Variants in GRM7 observed in about 807,000 individuals in gnomAD.
GRM7 encodes the protein metabotropic glutamate receptor 7.
Under a neutral mutation model 84.5 loss-of-function variants are expected in GRM7, and 35 were observed. That is an observed-to-expected ratio of 0.41 (90% CI 0.32 to 0.55). The LOEUF is 0.55. Ranked by LOEUF, GRM7 falls within the 20% of genes least tolerant of loss-of-function variation. The probability of loss-of-function intolerance (pLI) is 0.19; values close to 1 mark genes in which losing one functional copy is unlikely to be tolerated. For synonymous variants in GRM7, 487 were observed against 455.1 expected, an observed-to-expected ratio of 1.07 and a Z score of -0.89; for missense variants, 1,003 against 1,194.6, an observed-to-expected ratio of 0.84 and a Z score of 2.36.
intron 1 of GRM7, among the ~76,000 whole-genome samples, chr3:7,095,424 A>G (rs1247404232): frequency 6.6e-6 from 1 of 152,102 alleles, no homozygotes; most frequent in Non-Finnish European, 1.5e-5. Flanking sequence ...TTAAGGAATG[A>G]TTGGGTTTGG....
In GRM7 at chr3:6,861,400, G is replaced by A. The variant is rs774581930; in HGVS notation, c.12G>A (p.Leu4=). ...GCAGCCGGAGCAGCATGGTCCAGCT[G>A]AGGAAGCTGCTCCGCGTCCTGACTT... MVQ[L]RKLLRVLTLM... is the part of the protein sequence containing the mutation. Residue 4 remains leucine, a synonymous_variant, in exon 1 of 10, where the codon CTG becomes CTA. Transcript: ENST00000357716. The surrounding 1 kb of genome is among the most constrained non-coding windows in gnomAD (Gnocchi z 6.4). The A allele has an allele frequency of 3.2e-6, 5 of 1,580,962 alleles. No homozygotes were observed. Among genetic ancestry groups the A allele is most frequent in the Non-Finnish European group, 4.3e-6 (5 of 1,166,952 alleles).
chr3:7,146,147 A>G (rs1307294935), intron 1 of GRM7, among the ~76,000 whole-genome samples: 1 of 152,210 alleles, frequency 6.6e-6, no homozygotes, highest in Non-Finnish European at 1.5e-5. Flanking sequence ...CATGTTTGGT[A>G]GAATGGTCAT....
intron 7 of GRM7, among the ~76,000 whole-genome samples, chr3:7,518,295 T>G (rs1700467454): frequency 6.6e-6 from 1 of 152,158 alleles, no homozygotes; most frequent in Non-Finnish European, 1.5e-5. Flanking sequence ...TTCTGCAAAA[T>G]TAAGCCCAGG....
At chr3:7,366,990 C>A (rs1189806087) in intron 4 of GRM7, among the ~76,000 whole-genome samples, 1 of 151,110 alleles carries the variant, frequency 6.6e-6, no homozygotes, top group African/African-American at 2.4e-5. Context: ...TATACTCTGA[C>A]TATTAATTAC....
chr3:7,691,317 AC>A, intron 9 of GRM7: 1 of 1,221,594 alleles, frequency 8.2e-7, no homozygotes, highest in Non-Finnish European at 1.1e-6. Flanking sequence ...TGGATCAGCA[AC>A]TCCATTTTCT....
chr3:7,506,862 T>A (rs1200113550), intron 7 of GRM7, among the ~76,000 whole-genome samples: 1 of 152,170 alleles, frequency 6.6e-6, no homozygotes, highest in Non-Finnish European at 1.5e-5. Flanking sequence ...AATCCATTAG[T>A]GAGAGATGAG....
chr3:7,070,424 G>C (rs1409036604), intron 1 of GRM7, among the ~76,000 whole-genome samples: 1 of 152,042 alleles, frequency 6.6e-6, no homozygotes, highest in Non-Finnish European at 1.5e-5. Flanking sequence ...AATTACAAAT[G>C]AATGCTAAAA....
At chr3:6,980,786 A>C (rs1361549243) in intron 1 of GRM7, among the ~76,000 whole-genome samples, 1 of 152,226 alleles carries the variant, frequency 6.6e-6, no homozygotes, top group Non-Finnish European at 1.5e-5. Flanking sequence ...GAGAAGGAAG[A>C]AAAGAACTTG....
chr3:7,091,139 CAGAAGAAT>C (rs1386005627), intron 1 of GRM7, among the ~76,000 whole-genome samples: 3 of 148,722 alleles, frequency 2.0e-5, no homozygotes, highest in African/African-American at 7.5e-5. Context: ...TTTAGCTCTG[CAGAAGAAT>C]AGAGGTATTT....
intron 2 of GRM7, among the ~76,000 whole-genome samples, chr3:7,225,254 T>G (rs1696944777): frequency 6.6e-6 from 1 of 151,510 alleles, no homozygotes; most frequent in Admixed American, 6.6e-5. Context: ...TTTTAAAGAC[T>G]GATACCAATT....
chr3:6,924,652 A>C (rs1243583422), intron 1 of GRM7, among the ~76,000 whole-genome samples: 1 of 151,874 alleles, frequency 6.6e-6, no homozygotes, highest in Non-Finnish European at 1.5e-5. Flanking sequence ...CATGCCAATG[A>C]GTAGCAACAT....
At chr3:7,716,535 GAGAA>G (rs1421093536) in intron 9 of GRM7, among the ~76,000 whole-genome samples, 2 of 152,182 alleles carry the variant, frequency 1.3e-5, no homozygotes, top group Non-Finnish European at 2.9e-5. Context: ...AGGTTTCTAT[GAGAA>G]AGAAAATATG....
chr3:7,613,817 A>G (rs1056283737), intron 8 of GRM7, among the ~76,000 whole-genome samples: 6 of 152,212 alleles, frequency 3.9e-5, no homozygotes, highest in Non-Finnish European at 8.8e-5. Flanking sequence ...TACATACTGT[A>G]TCTTGTAAGT....
chr3:7,057,870 G>A (rs1380388789), intron 1 of GRM7, among the ~76,000 whole-genome samples: 1 of 151,806 alleles, frequency 6.6e-6, no homozygotes, highest in African/African-American at 2.4e-5. Context: ...ATCTACGTAG[G>A]CAAATGATCT....
chr3:7,413,056 T>G (rs1696010543), intron 4 of GRM7, among the ~76,000 whole-genome samples: 1 of 152,100 alleles, frequency 6.6e-6, no homozygotes, highest in African/African-American at 2.4e-5. Context: ...ACCCCTGACT[T>G]TCCCTCTGTT....
intron 7 of GRM7, chr3:7,561,515 C>A: frequency 4.4e-6 from 2 of 456,486 alleles, no homozygotes; most frequent in South Asian, 3.1e-5. Context: ...ACCATTTGTG[C>A]CTGCTACAGA....
intron 1 of GRM7, among the ~76,000 whole-genome samples, chr3:7,068,153 GT>G (rs1697733261): frequency 6.6e-6 from 1 of 151,964 alleles, no homozygotes; most frequent in African/African-American, 2.4e-5. Context: ...ACTTAGATGT[GT>G]TTTAAAATAC....
intron 2 of GRM7, among the ~76,000 whole-genome samples, chr3:7,187,795 A>G (rs1242931175): frequency 6.6e-6 from 1 of 152,144 alleles, no homozygotes; most frequent in Non-Finnish European, 1.5e-5. Context: ...GGCAATGGTA[A>G]ACTGACATGG....
At chr3:7,600,340 C>A (rs1282269600) in intron 8 of GRM7, among the ~76,000 whole-genome samples, 6 of 152,066 alleles carry the variant, frequency 3.9e-5, no homozygotes, top group Non-Finnish European at 8.8e-5. Flanking sequence ...AAATAAAATT[C>A]TCATTTTAGA....
Sources: gnomAD v4.1 joint callset for allele counts (sites outside exome capture counted in the v4.1 genomes callset) on GRCh38, gnomAD v4.1.1 for gene constraint, Gnocchi (gnomAD v3.1) non-coding constraint, MANE v1.5 for transcripts, NCBI Gene and HGNC (gene_info 2026-07-23, HGNC 2026-07-21) for gene names.